Variants in TBC1D9 observed in about 807,000 individuals in gnomAD.
TBC1D9 encodes TBC1 domain family member 9, also known as TBC1 domain family member 9A.
In TBC1D9, 63 loss-of-function variants were observed where a neutral mutation model predicts 132.0. The observed-to-expected ratio is 0.48, with a 90% confidence interval of 0.39 to 0.59. The LOEUF (loss-of-function observed/expected upper bound fraction) is 0.59, where lower values mean the gene tolerates loss of function less well. Ranked by LOEUF, TBC1D9 falls within the 20% of genes least tolerant of loss-of-function variation. The probability of loss-of-function intolerance (pLI) is 0.00; values close to 1 mark genes in which losing one functional copy is unlikely to be tolerated. For missense variants in TBC1D9, 1,261 were observed against 1,592.7 expected (o/e 0.79, Z 3.54); for synonymous variants, 610 against 609.9 (o/e 1.00, Z 0.00).
rs1207725309 is a variant in TBC1D9 at position 140,633,969 on chromosome 4, G to A, written c.2725C>T (p.Arg909Trp). 3.1e-6 allele frequency: 5 copies of A among 1,613,768 alleles called. No homozygotes were observed. Among genetic ancestry groups the A allele is most frequent in the Non-Finnish European group, 4.2e-6 (5 of 1,179,900 alleles). Residue 909 changes from arginine to tryptophan, a missense_variant, in exon 16 of 21, where the codon CGG (arginine) becomes TGG (tryptophan). This residue lies in a region of TBC1D9 where 618 missense variants were observed against 724.4 expected (regional missense o/e 0.85). Coordinates refer to ENST00000442267, the MANE Select transcript of TBC1D9 (RefSeq NM_015130.3). Reference protein sequence around the residue: ...DENGDSLINFREFVSGLSAAC... With the variant: ...DENGDSLINFWEFVSGLSAAC... ...TTACTTAGCCCAGAGACAAACTCCCGGAAGTTAATCAAAGAGTCTCCATTT... is the reference window on the plus strand; with the variant it reads ...TTACTTAGCCCAGAGACAAACTCCCAGAAGTTAATCAAAGAGTCTCCATTT...
At chr4:140,655,118 GTGTATGT>G (rs1239200389) in intron 13 of TBC1D9, among the ~76,000 whole-genome samples, 2 of 151,998 alleles carry the variant, frequency 1.3e-5, no homozygotes, top group Non-Finnish European at 2.9e-5. Context: ...TTTTTTTAAA[GTGTATGT>G]TGTAAGTATA....
At chr4:140,622,962 C>A in intron 20 of TBC1D9, 45 bp from the exon 21 acceptor site, 1 of 1,466,500 alleles carries the variant, frequency 6.8e-7, no homozygotes, top group Middle Eastern at 1.8e-4. Context: ...CTTGGGGGAG[C>A]AGAAAGGCAG....
chr4:140,628,183 G>A, intron 17 of TBC1D9, 117 bp downstream of exon 17: 1 of 789,816 alleles, frequency 1.3e-6, no homozygotes, highest in Non-Finnish European at 2.2e-6. Flanking sequence ...TTAGTTCTTA[G>A]TGACTCATGA....
intron 1 of TBC1D9, among the ~76,000 whole-genome samples, chr4:140,746,302 T>C (rs756312069): frequency 3.9e-5 from 6 of 152,198 alleles, no homozygotes; most frequent in Non-Finnish European, 4.4e-5. Context: ...ACTGTCTCCA[T>C]CTCTTGAGAT....
chr4:140,717,143 T>C (rs1738346956), intron 1 of TBC1D9, among the ~76,000 whole-genome samples: 1 of 152,240 alleles, frequency 6.6e-6, no homozygotes, highest in South Asian at 2.1e-4. Flanking sequence ...GGTTTCACTT[T>C]CTTCCTCACG....
At chr4:140,732,290 C>G (rs972590055) in intron 1 of TBC1D9, among the ~76,000 whole-genome samples, 1 of 152,166 alleles carries the variant, frequency 6.6e-6, no homozygotes, top group African/African-American at 2.4e-5. Context: ...TCCAAGACAT[C>G]AAGTCTCCAT....
chr4:140,679,950 A>AAG, intron 3 of TBC1D9, 107 bp from the exon 4 acceptor site: 3 of 913,624 alleles, frequency 3.3e-6, no homozygotes, highest in Non-Finnish European at 4.7e-6. Flanking sequence ...AAAAAAATTG[A>AAG]GGAATGCCCT....
At position 140,650,228 on chromosome 4, in the gene TBC1D9, G is replaced by T. The variant is rs1266740155; in HGVS notation, c.2337+6869C>A. Among the ~76,000 whole-genome samples, 3 of 152,248 alleles carry T rather than the reference G, an allele frequency of 2.0e-5. No homozygotes were observed. In the South Asian group the frequency reaches 6.2e-4, roughly 31 times the overall value. On this transcript the variant is annotated intron_variant, in intron 13 of 20. Transcript: ENST00000442267. ...AAAGTTGCTGTAAAGCAGAAATCAT[G>T]AACAGGCAGCCAGTAGGCTAGAAAG...
At chr4:140,690,159 C>G (rs563012487) in intron 2 of TBC1D9, among the ~76,000 whole-genome samples, 5 of 152,108 alleles carry the variant, frequency 3.3e-5, no homozygotes, top group Non-Finnish European at 7.4e-5. Flanking sequence ...AAACATCTAA[C>G]TTGTACCTCC....
chr4:140,705,709 G>A (rs1738140779), intron 1 of TBC1D9, among the ~76,000 whole-genome samples: 1 of 152,112 alleles, frequency 6.6e-6, no homozygotes, highest in Non-Finnish European at 1.5e-5. Context: ...CACTGCAAAA[G>A]CAGCAACAAT....
At position 140,622,924 on chromosome 4, in the gene TBC1D9, AGCGATTTGG is replaced by A; in HGVS notation, c.3079-16_3079-8del. On this transcript the variant is annotated splice_polypyrimidine_tract_variant and splice_region_variant and intron_variant, in intron 20 of 20. Transcript: ENST00000442267. ...ACAGTTCAATGAACTGCCCCTGAAA[AGCGATTTGG>A]AAAAACACAATGTGAAATCTTGGGG... 6.6e-7 allele frequency: 1 copy of A among 1,508,482 alleles called. No homozygotes were observed. The highest frequency in any genetic ancestry group is 1.4e-5 in the African/African-American group (1 of 72,586). 93.4% of individuals were successfully genotyped at this position (1,508,482 alleles called of 1,614,324 possible).
intron 1 of TBC1D9, among the ~76,000 whole-genome samples, chr4:140,704,075 T>C (rs557905252): frequency 2.0e-5 from 3 of 152,286 alleles, no homozygotes; most frequent in East Asian, 3.9e-4. Flanking sequence ...ATACAAACTT[T>C]AGTCTGGGTT....
At chr4:140,712,857 C>T (rs561002748) in intron 1 of TBC1D9, among the ~76,000 whole-genome samples, 106 of 152,118 alleles carry the variant, frequency 7.0e-4, no homozygotes, top group Non-Finnish European at 1.3e-3. Flanking sequence ...AACTGAGGGT[C>T]GGGCTGCTAT....
chr4:140,697,083 C>T (rs779172095), intron 2 of TBC1D9, among the ~76,000 whole-genome samples: 2 of 152,066 alleles, frequency 1.3e-5, no homozygotes, highest in Non-Finnish European at 2.9e-5. Context: ...TAAGAAAGAA[C>T]AATTAATAGG....
At chr4:140,641,104 A>AAAAAAAAAAAAAAAAAAAAG (rs1736984327) in intron 13 of TBC1D9, among the ~76,000 whole-genome samples, 1 of 50,882 alleles carries the variant, frequency 2.0e-5, no homozygotes, top group African/African-American at 7.5e-5. Context: ...AAAAAAAAAA[A>AAAAAAAAAAAAAAAAAAAAG]CAAAAAAAAA....
chr4:140,685,464 C>T (rs1008427078), intron 3 of TBC1D9, among the ~76,000 whole-genome samples: 1 of 151,948 alleles, frequency 6.6e-6, no homozygotes, highest in East Asian at 1.9e-4. Flanking sequence ...TAGTAAAAAA[C>T]CAGAATTGTA....
In TBC1D9 at chr4:140,755,963, C is replaced by T. The variant is rs1269481009; in HGVS notation, c.83G>A (p.Arg28Gln). The T allele has an allele frequency of 1.9e-6, 3 of 1,604,086 alleles. No individual in the cohort carries two copies. The highest frequency in any genetic ancestry group is 1.3e-5 in the African/African-American group (1 of 74,462). The stretch of plus-strand genomic sequence containing the variant: ...TCCATCGCCGGCGTGGCCCTTCCTC[C>T]GCTGCAGGATGAAGTATGGGTTGGC... ...ERANPYFILQRRKGHAGDGGG... is the reference protein window; with the variant it reads ...ERANPYFILQQRKGHAGDGGG... Residue 28 changes from arginine (R) to glutamine (Q), a missense_variant, in exon 1 of 21, where the codon CGG (arginine) becomes CAG (glutamine). Arg to Gln is a conservative substitution (Grantham distance 43, BLOSUM62 1). Around this residue, in one of 3 missense-constraint regions of TBC1D9, gnomAD observed 550 missense variants for 699.0 expected, o/e 0.79. Transcript: ENST00000442267.
chr4:140,674,477 G>A (rs1737591314), intron 6 of TBC1D9, among the ~76,000 whole-genome samples: 1 of 152,022 alleles, frequency 6.6e-6, no homozygotes, highest in South Asian at 2.1e-4. Flanking sequence ...GTAACCGAAT[G>A]AATAAATTAT....
chr4:140,645,047 A>G (rs1389342900), intron 13 of TBC1D9: 2 of 486,442 alleles, frequency 4.1e-6, no homozygotes, highest in African/African-American at 2.0e-5. Flanking sequence ...CGGGGTCCAC[A>G]GACCAGCAAC....
Sources: allele counts gnomAD v4.1 joint callset (sites outside exome capture counted in the v4.1 genomes callset), GRCh38; gene constraint gnomAD v4.1.1; regional missense constraint gnomAD v4.1.1; transcripts MANE v1.5; gene names NCBI Gene and HGNC (gene_info 2026-07-23, HGNC 2026-07-21).